SIL1: variants seen among roughly 807,000 people sequenced by gnomAD.
The protein encoded by SIL1 is nucleotide exchange factor SIL1.
A neutral mutation model predicts 49.1 loss-of-function variants in SIL1; 40 were observed. That is an observed-to-expected ratio of 0.81 (90% confidence interval 0.63 to 1.06). The LOEUF (loss-of-function observed/expected upper bound fraction) is 1.06, where lower values mean the gene tolerates loss of function less well. SIL1 is among the 50% of genes least tolerant of loss of function. The pLI is 0.00. For synonymous variants in SIL1, 253 were observed against 250.8 expected (o/e 1.01, Z -0.08); for missense variants, 500 against 572.6 (o/e 0.87, Z 1.29).
chr5:139,128,055 G>T, intron 1 of SIL1: 1 of 603,758 alleles, frequency 1.7e-6, no homozygotes, highest in Non-Finnish European at 3.1e-6. Context: ...GATATGCCCT[G>T]GGTAGAACCA....
intron 7 of SIL1, among the ~76,000 whole-genome samples, chr5:138,979,607 G>A (rs532849474): frequency 6.6e-6 from 1 of 152,270 alleles, no homozygotes; most frequent in East Asian, 1.9e-4. Flanking sequence ...AGGCTCAAGT[G>A]ATCCTCCCAC....
intron 7 of SIL1, among the ~76,000 whole-genome samples, chr5:138,965,437 C>A (rs1767116097): frequency 6.6e-6 from 1 of 152,066 alleles, no homozygotes; most frequent in East Asian, 1.9e-4. Context: ...GTTGGGAGGA[C>A]CCTGTATAAG....
At chr5:139,123,964 G>A (rs1430615531) in intron 2 of SIL1, among the ~76,000 whole-genome samples, 1 of 152,068 alleles carries the variant, frequency 6.6e-6, no homozygotes, top group East Asian at 1.9e-4. Context: ...TTCCCAGGCT[G>A]GTCTTGAACT....
intron 3 of SIL1, among the ~76,000 whole-genome samples, chr5:139,077,872 G>A (rs529928194): frequency 2.0e-5 from 3 of 152,280 alleles, no homozygotes; most frequent in African/African-American, 7.2e-5. Flanking sequence ...TGCACCCTAG[G>A]AGGAGGAGAT....
At chr5:139,087,657 T>C (rs2151774396) in intron 3 of SIL1, among the ~76,000 whole-genome samples, 1 of 152,190 alleles carries the variant, frequency 6.6e-6, no homozygotes, top group East Asian at 1.9e-4. Flanking sequence ...GGAGCAGTCA[T>C]ACTGTTTTAA....
At position 138,951,833 on chromosome 5, in the gene SIL1, C is replaced by A. The variant is rs778802859; in HGVS notation, c.819G>T (p.Leu273=). 1 of 1,613,990 alleles carries A rather than the reference C, an allele frequency of 6.2e-7. No individual in the cohort carries two copies. Among genetic ancestry groups the A allele is most frequent in the South Asian group, 1.1e-5 (1 of 91,092 alleles). The change falls in exon 8 of 10, where the codon CTG becomes CTT. Residue 273 remains leucine (L), a synonymous_variant. Coordinates refer to ENST00000394817, the MANE Select transcript of SIL1 (RefSeq NM_022464.5). Reference sequence around the variant, plus strand: ...GCTGCTCCGTGGCCAGGATGACCAGCAGCTTCTGCAGGGCTCCCCCTTCGA... The same window carrying A: ...GCTGCTCCGTGGCCAGGATGACCAGAAGCTTCTGCAGGGCTCCCCCTTCGA... ...EAIEGGALQK[L]LVILATEQPL...
intron 1 of SIL1, among the ~76,000 whole-genome samples, chr5:139,161,843 T>A (rs1751520300): frequency 6.6e-6 from 1 of 151,560 alleles, no homozygotes; most frequent in Non-Finnish European, 1.5e-5. Flanking sequence ...CAAAACCCCA[T>A]CTCTACTAAA....
Position 138,953,854 on chromosome 5 carries a change from G to C in SIL1, c.768-1970C>G, listed in dbSNP as rs79573850. On this transcript the variant is annotated intron_variant, in intron 7 of 9. Transcript: ENST00000394817. The stretch of plus-strand genomic sequence containing the variant: ...AAACATCAAATGCTGCTTCCCCAAG[G>C]GGGCTGAGAGATCTGACATCGCATC... Among the ~76,000 whole-genome samples the C allele has an allele frequency of 2.6e-5, 4 of 152,354 alleles. No individual in the cohort carries two copies. In the East Asian group the frequency reaches 7.7e-4, roughly 29 times the overall value.
intron 5 of SIL1, chr5:139,036,044 T>C (rs945268345): frequency 1.3e-5 from 2 of 152,146 alleles, no homozygotes; most frequent in Non-Finnish European, 2.9e-5. Flanking sequence ...TCAAGTTTCT[T>C]ACAGATGCTG....
At chr5:139,178,186 T>C (rs988291922) in intron 1 of SIL1, among the ~76,000 whole-genome samples, 13 of 152,234 alleles carry the variant, frequency 8.5e-5, no homozygotes, top group Non-Finnish European at 1.9e-4. Context: ...CTACTGGCAC[T>C]GAGAGAGCAC....
chr5:139,196,668 A>C (rs901379514), intron 1 of SIL1: 1 of 152,250 alleles, frequency 6.6e-6, no homozygotes, highest in African/African-American at 2.4e-5. Context: ...TGCCAATTTC[A>C]TTAAAACAGC....
In SIL1 at chr5:138,982,266, C is replaced by T. The variant is rs568257450; in HGVS notation, c.768-30382G>A. 6.6e-5 allele frequency among the ~76,000 whole-genome samples: 10 copies of T among 152,300 alleles called. No individual in the cohort carries two copies. In the South Asian group the frequency reaches 1.0e-3, roughly 16 times the overall value. ...CTTCCCTGAGCATGTTTGCCATGGG[C>T]AACAAACCCAGCTGGCAAATGCATT... On this transcript the variant is annotated intron_variant, in intron 7 of 9. Coordinates refer to ENST00000394817, the MANE Select transcript of SIL1 (RefSeq NM_022464.5).
chr5:139,109,898 C>T (rs1289352003), intron 3 of SIL1, among the ~76,000 whole-genome samples: 3 of 150,994 alleles, frequency 2.0e-5, no homozygotes, highest in South Asian at 2.1e-4. Context: ...TGGCCAGGCA[C>T]GGAGGCTCAC....
chr5:139,179,895 A>G (rs1483547680), intron 1 of SIL1, among the ~76,000 whole-genome samples: 2 of 151,936 alleles, frequency 1.3e-5, no homozygotes, highest in African/African-American at 4.8e-5. Flanking sequence ...CATCTCTACA[A>G]AAAATTAAAA....
chr5:139,168,871 A>C (rs1751676705), intron 1 of SIL1, among the ~76,000 whole-genome samples: 1 of 151,612 alleles, frequency 6.6e-6, no homozygotes, highest in South Asian at 2.1e-4. Flanking sequence ...CTGAGGTGGG[A>C]GAATCACCTG....
chr5:139,083,048 T>C (rs1198366136), intron 3 of SIL1, among the ~76,000 whole-genome samples: 1 of 152,162 alleles, frequency 6.6e-6, no homozygotes, highest in African/African-American at 2.4e-5. Context: ...ATTCAAATGA[T>C]ACCAACTGCT....
chr5:139,151,697 G>A (rs933114614), intron 1 of SIL1, among the ~76,000 whole-genome samples: 2 of 152,152 alleles, frequency 1.3e-5, no homozygotes, highest in African/African-American at 4.8e-5. Context: ...GCACAGTTGG[G>A]TCCCAACCCA....
intron 3 of SIL1, among the ~76,000 whole-genome samples, chr5:139,105,691 G>A (rs527977351): frequency 1.3e-5 from 2 of 152,310 alleles, no homozygotes; most frequent in African/African-American, 2.4e-5. Flanking sequence ...GCTGTGAGCC[G>A]CGACACTGGC....
At chr5:139,015,580 C>G (rs1303668695) in intron 7 of SIL1, among the ~76,000 whole-genome samples, 1 of 152,194 alleles carries the variant, frequency 6.6e-6, no homozygotes, top group African/African-American at 2.4e-5. Flanking sequence ...CTCTATTATC[C>G]TCCTCAGCAT....
Sources: gnomAD v4.1 joint callset for allele counts (sites outside exome capture counted in the v4.1 genomes callset) on GRCh38, gnomAD v4.1.1 for gene constraint, MANE v1.5 for transcripts, NCBI Gene and HGNC (gene_info 2026-07-23, HGNC 2026-07-21) for gene names.